Variants in ZNF208 observed in about 807,000 individuals in gnomAD.
ZNF208 encodes the protein zinc finger protein 95.
ZNF208 carries 10 observed loss-of-function variants against 12.1 expected under a neutral mutation model. The ratio of observed to expected loss-of-function variants is 0.83; its 90% confidence interval spans 0.51 to 1.40. The LOEUF is 1.40. Among genes scored for constraint, ZNF208 ranks in the 40% most tolerant of loss-of-function variants. ZNF208 has a pLI of 0.00. For synonymous variants in ZNF208, 497 were observed against 488.4 expected (o/e 1.02, Z -0.23); for missense variants, 1,652 against 1,485.0 (o/e 1.11, Z -1.85).
chr19:21,977,615 C>T (rs1203785902), intron 3 of ZNF208, among the ~76,000 whole-genome samples: 1 of 152,186 alleles, frequency 6.6e-6, no homozygotes, highest in Non-Finnish European at 1.5e-5. Context: ...GCCTATGACA[C>T]CAGGGCCCTG....
chr19:21,978,436 T>C (rs1371675306), intron 3 of ZNF208, among the ~76,000 whole-genome samples: 3 of 152,216 alleles, frequency 2.0e-5, no homozygotes, highest in African/African-American at 4.8e-5. Context: ...AAACAGGGTC[T>C]AGAGTAGACT....
chr19:21,986,283 C>T (rs117325533), intron 3 of ZNF208, among the ~76,000 whole-genome samples: 1,689 of 152,026 alleles, frequency 0.011, 21 homozygotes, highest in Non-Finnish European at 0.014. Context: ...ATAAACAGTA[C>T]ATTAAAACCT....
intron 3 of ZNF208, among the ~76,000 whole-genome samples, chr19:21,975,366 C>CAG (rs1225311014): frequency 2.0e-5 from 3 of 152,054 alleles, no homozygotes; most frequent in Non-Finnish European, 4.4e-5. Flanking sequence ...TGCAGTCCTG[C>CAG]AGAGAGAGAC....
Position 21,972,239 on chromosome 19 carries a change from A to C in ZNF208, c.2795T>G (p.Phe932Cys). The change falls in exon 4 of 4, where the codon TTT (phenylalanine) becomes TGT (cysteine). Residue 932 changes from phenylalanine (F) to cysteine (C), a missense_variant. This residue lies in a region of ZNF208 where 1,239 missense variants were observed against 1,086.2 expected (regional missense o/e 1.14). Coordinates refer to ENST00000397126, the MANE Select transcript of ZNF208 (RefSeq NM_007153.3). ...CGKAFSWLSV[F>C]SKHKKTHAGE... The stretch of plus-strand genomic sequence containing the variant: ...AGCATGAGTTTTCTTATGTTTACTA[A>C]AGACTGACAACCAGCTGAAGGCTTT... The C allele has an allele frequency of 3.1e-6, 5 of 1,613,420 alleles. No individual in the cohort carries two copies. Among genetic ancestry groups the C allele is most frequent in the Non-Finnish European group, 2.5e-6 (3 of 1,179,880 alleles).
rs772994076 is a variant in ZNF208, at chr19:21,972,260, G to T, written c.2774C>A (p.Ala925Asp). Residue 925 changes from alanine (A) to aspartate (D), a missense_variant, in exon 4 of 4, where the codon GCC (alanine) becomes GAC (aspartate). Ala to Asp is a moderately radical substitution (Grantham distance 126). Around this residue, in one of 3 missense-constraint regions of ZNF208, gnomAD observed 1,239 missense variants for 1,086.2 expected, o/e 1.14. Coordinates refer to ENST00000397126, the MANE Select transcript of ZNF208 (RefSeq NM_007153.3). ...ACTAAAGACTGACAACCAGCTGAAG[G>T]CTTTGCCACATTCTTCACATTTGTA... Reference protein sequence around the residue: ...KPYKCEECGKAFSWLSVFSKH... With the variant: ...KPYKCEECGKDFSWLSVFSKH... 8.1e-6 allele frequency: 13 copies of T among 1,613,456 alleles called. No individual in the cohort carries two copies. In the Admixed American group the frequency reaches 1.3e-4, roughly 17 times the overall value.
intron 3 of ZNF208, among the ~76,000 whole-genome samples, chr19:21,981,200 C>A (rs983179468): frequency 6.6e-6 from 1 of 152,136 alleles, no homozygotes; most frequent in Admixed American, 6.5e-5. Flanking sequence ...TCCTGTCTAA[C>A]TCATTTTATG....
chr19:21,984,696 T>G (rs1259828766), intron 3 of ZNF208, among the ~76,000 whole-genome samples: 1 of 152,192 alleles, frequency 6.6e-6, no homozygotes, highest in Non-Finnish European at 1.5e-5. Context: ...TAATGAAATG[T>G]TTTTCAAATT....
intron 1 of ZNF208, among the ~76,000 whole-genome samples, chr19:21,999,874 A>AT (rs1392610226): frequency 1.3e-5 from 2 of 152,226 alleles, no homozygotes; most frequent in East Asian, 3.9e-4. Flanking sequence ...TTATTTTCAC[A>AT]TATGAGAATA....
Position 21,974,226 on chromosome 19 carries a change from C to T in ZNF208, c.808G>A (p.Ala270Thr), listed in dbSNP as rs202182420. The T allele has an allele frequency of 1.3e-6, 2 of 1,596,940 alleles. No individual in the cohort carries two copies. The highest frequency in any genetic ancestry group is 1.7e-5 in the Admixed American group (1 of 59,050). ...EECGKAFNQS[A>T]ILTKHKIIHT... ...ATTATCTTATGTTTAGTAAGGATTG[C>T]AGATTGGTTAAAAGCCTTGCCACAT... is the stretch of plus-strand genomic sequence containing the variant. The change falls in exon 4 of 4, where the codon GCA becomes ACA. Residue 270 changes from alanine (A) to threonine (T), a missense_variant. Coordinates refer to ENST00000397126, the MANE Select transcript of ZNF208 (RefSeq NM_007153.3).
intron 2 of ZNF208, 117 bp from the exon 3 acceptor site, chr19:21,987,428 C>T: frequency 9.2e-7 from 1 of 1,081,922 alleles, no homozygotes; most frequent in Non-Finnish European, 1.2e-6. Flanking sequence ...TCCCAAAATA[C>T]TAAATTATAA....
intron 1 of ZNF208, among the ~76,000 whole-genome samples, chr19:22,006,871 C>T (rs1270457599): frequency 6.6e-6 from 1 of 152,050 alleles, no homozygotes; most frequent in African/African-American, 2.4e-5. Flanking sequence ...GTATTTATTT[C>T]TTTTGGACAA....
At chr19:21,950,794 C>T (rs1432625913) in intron 4 of ZNF208, among the ~76,000 whole-genome samples, 28 of 151,968 alleles carry the variant, frequency 1.8e-4, no homozygotes, top group Admixed American at 1.8e-3. Flanking sequence ...CATGCCTGGC[C>T]CCTAGCCCTG....
In ZNF208 at chr19:21,967,068, C is replaced by CTTAA. The variant is rs1388098179; in HGVS notation, c.*4122_*4123insTTAA. 2 of 152,014 alleles carry CTTAA rather than the reference C, an allele frequency of 1.3e-5. No individual in the cohort carries two copies. The highest frequency in any genetic ancestry group is 4.8e-5 in the African/African-American group (2 of 41,408). The allele number at this position is 152,014 out of a possible 1,614,324, so 9.4% of individuals were successfully genotyped here. A position where few individuals can be genotyped will look rare whatever the true frequency, so the allele number is the denominator to read the frequency against. On this transcript the variant is annotated 3_prime_UTR_variant, in exon 4 of 4. Coordinates refer to ENST00000397126, the MANE Select transcript of ZNF208 (RefSeq NM_007153.3). ...CTTTTACTGTGCAGAAGCTCTTTGG[C>CTTAA]TTAGATGCCATTTTTTATTTTTATT...
chr19:21,994,838 A>G (rs1205034713), intron 1 of ZNF208, among the ~76,000 whole-genome samples: 1 of 152,086 alleles, frequency 6.6e-6, no homozygotes, highest in African/African-American at 2.4e-5. Flanking sequence ...TTTTTTGTAC[A>G]TATCTATTTA....
chr19:21,964,079 A>G (rs1399070107), downstream of ZNF208, among the ~76,000 whole-genome samples: 1 of 151,950 alleles, frequency 6.6e-6, no homozygotes, highest in East Asian at 1.9e-4. Flanking sequence ...ACATATACTA[A>G]AACATCACAC....
Position 21,974,175 on chromosome 19 carries a change from A to G in ZNF208, c.859T>C (p.Cys287Arg), listed in dbSNP as rs777845318. 4 of 1,604,138 alleles carry G rather than the reference A, an allele frequency of 2.5e-6. No homozygotes were observed. The highest frequency in any genetic ancestry group is 1.1e-5 in the South Asian group (1 of 90,836). Residue 287 changes from cysteine (C) to arginine (R), a missense_variant, in exon 4 of 4, where the codon TGT becomes CGT. Cys to Arg is a radical substitution (Grantham distance 180, BLOSUM62 -3). Coordinates refer to ENST00000397126, the MANE Select transcript of ZNF208 (RefSeq NM_007153.3). ...CTAAAGGCTTTGCCACATTCTTCAC[A>G]TTTGTTGGGTTTCTCTCCAGTATGA... The part of the protein sequence containing the change: ...IIHTGEKPNK[C>R]EECGKAFSKV...
At chr19:21,957,473 A>T (rs1003898199) in intron 4 of ZNF208, among the ~76,000 whole-genome samples, 7 of 152,216 alleles carry the variant, frequency 4.6e-5, no homozygotes, top group Admixed American at 1.3e-4. Context: ...CTCTTGGGAA[A>T]GCTGGTCTCA....
rs369972536 is a variant in ZNF208 at position 21,973,052 on chromosome 19, C to G, written c.1982G>C (p.Gly661Ala). The change falls in exon 4 of 4, where the codon GGA becomes GCA. Residue 661 changes from glycine to alanine, a missense_variant. Gly to Ala is a moderately conservative substitution (Grantham distance 60, BLOSUM62 0). Coordinates refer to ENST00000397126, the MANE Select transcript of ZNF208 (RefSeq NM_007153.3). The part of the protein sequence containing the change: ...TLTTHKAIHA[G>A]EKPYKCKECG... ...TTCTTTACATTTGTAGGGCTTCTCT[C>G]CAGCATGAATTGCCTTATGTGTAGT... The G allele has an allele frequency of 1.9e-5, 31 of 1,613,322 alleles. No homozygotes were observed. The African/African-American group carries it at 3.9e-4, about 20-fold the overall frequency.
intron 3 of ZNF208, among the ~76,000 whole-genome samples, chr19:21,978,835 A>G (rs1386676513): frequency 2.6e-5 from 4 of 152,240 alleles, no homozygotes; most frequent in African/African-American, 9.6e-5. Flanking sequence ...GAACCTTGAA[A>G]AAAGGTTAGA....
Sources: gnomAD v4.1 joint callset for allele counts (sites outside exome capture counted in the v4.1 genomes callset) on GRCh38, gnomAD v4.1.1 for gene constraint, gnomAD v4.1.1 regional missense constraint, MANE v1.5 for transcripts, NCBI Gene and HGNC (gene_info 2026-07-23, HGNC 2026-07-21) for gene names.